TENM2: variants seen among roughly 807,000 people sequenced by gnomAD.
TENM2 encodes the protein teneurin-2.
Under a neutral mutation model 245.2 loss-of-function variants are expected in TENM2, and 52 were observed. That is an observed-to-expected ratio of 0.21 (90% CI 0.17 to 0.27). The LOEUF is 0.27. Ranked by LOEUF, TENM2 falls within the 10% of genes least tolerant of loss-of-function variation. The pLI, the probability that TENM2 is intolerant of heterozygous loss-of-function variation, is 1.00. For missense variants in TENM2, 3,046 were observed against 3,666.8 expected, an observed-to-expected ratio of 0.83 and a Z score of 4.37; for synonymous variants, 1,363 against 1,438.9, an observed-to-expected ratio of 0.95 and a Z score of 1.19.
intron 1 of TENM2, among the ~76,000 whole-genome samples, chr5:167,334,256 G>A (rs1757628218): frequency 1.3e-5 from 2 of 152,148 alleles, no homozygotes; most frequent in Admixed American, 6.5e-5. Context: ...CAGAGTGTCT[G>A]CAACTGGCCC....
At chr5:168,170,688 C>T (rs1560653) in intron 13 of TENM2, among the ~76,000 whole-genome samples, 13,741 of 152,220 alleles carry the variant, frequency 0.09, 695 homozygotes, top group South Asian at 0.16. Context: ...CGGGAACAGC[C>T]TCCCAAGTGG....
the TENM2 span, among the ~76,000 whole-genome samples, chr5:167,013,896 A>T: frequency 6.6e-6 from 1 of 152,176 alleles, no homozygotes; most frequent in Non-Finnish European, 1.5e-5. Flanking sequence ...CAGTACAATT[A>T]TATTGGTAAG....
intron 2 of TENM2, among the ~76,000 whole-genome samples, chr5:167,549,870 A>G (rs1294763397): frequency 6.6e-6 from 1 of 152,072 alleles, no homozygotes; most frequent in East Asian, 1.9e-4. Flanking sequence ...TCCTCCTTTA[A>G]AACTATTGCC....
At chr5:167,018,759 C>G in the TENM2 span, among the ~76,000 whole-genome samples, 1 of 152,164 alleles carries the variant, frequency 6.6e-6, no homozygotes, top group Admixed American at 6.5e-5. Flanking sequence ...ATGATCTACA[C>G]TTTTCAAAAG....
the TENM2 span, among the ~76,000 whole-genome samples, chr5:167,240,438 T>G: frequency 6.6e-6 from 1 of 152,162 alleles, no homozygotes; most frequent in African/African-American, 2.4e-5. Flanking sequence ...TCTGCCGATC[T>G]TTTACCTCAT....
chr5:167,488,964 A>G (rs1768259615), intron 2 of TENM2, among the ~76,000 whole-genome samples: 1 of 151,854 alleles, frequency 6.6e-6, no homozygotes, highest in Non-Finnish European at 1.5e-5. Context: ...GCCTGCCACC[A>G]CTTCATATCC....
At chr5:167,332,637 T>C (rs1314342560) in intron 1 of TENM2, among the ~76,000 whole-genome samples, 1 of 152,178 alleles carries the variant, frequency 6.6e-6, no homozygotes, top group Non-Finnish European at 1.5e-5. Context: ...TAATGTGACC[T>C]ATCACTTCAG....
At chr5:168,062,790 G>T (rs142572587) in intron 7 of TENM2, among the ~76,000 whole-genome samples, 69 of 152,300 alleles carry the variant, frequency 4.5e-4, no homozygotes, top group Admixed American at 1.1e-3. Context: ...CATATTGCAT[G>T]ATTCCGTTTA....
intron 2 of TENM2, among the ~76,000 whole-genome samples, chr5:167,788,513 A>G (rs1253179023): frequency 6.6e-6 from 1 of 152,220 alleles, no homozygotes; most frequent in Admixed American, 6.5e-5. Flanking sequence ...TGTTGGCAGC[A>G]TATACAAGCC....
intron 2 of TENM2, among the ~76,000 whole-genome samples, chr5:167,716,082 C>T (rs1759236714): frequency 6.6e-6 from 1 of 152,122 alleles, no homozygotes; most frequent in African/African-American, 2.4e-5. Context: ...GTGCCAGGAG[C>T]CCGAGGCTCT....
intron 2 of TENM2, among the ~76,000 whole-genome samples, chr5:167,664,322 G>A (rs1755434215): frequency 6.6e-6 from 1 of 152,208 alleles, no homozygotes; most frequent in African/African-American, 2.4e-5. Context: ...TTCAGCATTA[G>A]ATAAACAAAA....
chr5:167,163,661 G>A, the TENM2 span, among the ~76,000 whole-genome samples: 1 of 152,248 alleles, frequency 6.6e-6, no homozygotes, highest in East Asian at 1.9e-4. Flanking sequence ...CATGGGGACT[G>A]CTGATTACGG....
chr5:167,442,003 T>C (rs1022032764), intron 2 of TENM2, among the ~76,000 whole-genome samples: 9 of 152,146 alleles, frequency 5.9e-5, no homozygotes, highest in Admixed American at 3.3e-4. Flanking sequence ...AATTTGTTTA[T>C]GCCAAAGAAA....
the TENM2 span, among the ~76,000 whole-genome samples, chr5:167,049,642 G>T: frequency 5.3e-3 from 810 of 152,188 alleles, 8 homozygotes; most frequent in African/African-American, 0.018. Flanking sequence ...AAACAATAAT[G>T]GTAGTTATTA....
At chr5:167,882,441 G>A (rs1253077559) in intron 3 of TENM2, among the ~76,000 whole-genome samples, 2 of 152,168 alleles carry the variant, frequency 1.3e-5, no homozygotes, top group Non-Finnish European at 2.9e-5. Context: ...CTGATTCACA[G>A]CATGATTTTT....
At chr5:167,968,103 C>T (rs9313393) in intron 4 of TENM2, among the ~76,000 whole-genome samples, 5,968 of 152,164 alleles carry the variant, frequency 0.039, 275 homozygotes, top group African/African-American at 0.12. Context: ...ACTTGCAAAC[C>T]GTCACGAGAT....
the TENM2 span, among the ~76,000 whole-genome samples, chr5:167,096,960 C>A: frequency 2.0e-5 from 3 of 152,110 alleles, no homozygotes; most frequent in Non-Finnish European, 4.4e-5. Flanking sequence ...CACTGTGAGT[C>A]ATGTTTGTCC....
At chr5:168,001,025 G>A (rs752730304) in intron 5 of TENM2, among the ~76,000 whole-genome samples, 1 of 150,662 alleles carries the variant, frequency 6.6e-6, no homozygotes, top group Non-Finnish European at 1.5e-5. Flanking sequence ...ACTGCCCAGC[G>A]CTTTGTAGGC....
At chr5:168,067,453 T>C (rs1453256119) in intron 7 of TENM2, among the ~76,000 whole-genome samples, 1 of 152,104 alleles carries the variant, frequency 6.6e-6, no homozygotes, top group Non-Finnish European at 1.5e-5. Flanking sequence ...ATAAAATGAG[T>C]TGAGCCAACA....
Sources: allele counts gnomAD v4.1 joint callset (sites outside exome capture counted in the v4.1 genomes callset), GRCh38; gene constraint gnomAD v4.1.1; transcripts MANE v1.5; gene names NCBI Gene and HGNC (gene_info 2026-07-23, HGNC 2026-07-21).